COMMD1: variants seen among roughly 807,000 people sequenced by gnomAD.
COMMD1 encodes the protein copper metabolism domain containing 1, also known as COMM domain-containing protein 1.
Under a neutral mutation model 17.2 loss-of-function variants are expected in COMMD1, and 10 were observed. That is an observed-to-expected ratio of 0.58 (90% confidence interval 0.36 to 0.99). The LOEUF (loss-of-function observed/expected upper bound fraction) is 0.99. Ranked by LOEUF, COMMD1 falls within the 50% of genes least tolerant of loss-of-function variation. COMMD1 has a pLI of 0.01. For missense variants in COMMD1, 270 were observed against 231.8 expected (o/e 1.17, Z -1.07); for synonymous variants, 97 against 91.6 (o/e 1.06, Z -0.34).
At chr2:62,111,265 C>G (rs144074615) in intron 2 of COMMD1, among the ~76,000 whole-genome samples, 2 of 152,290 alleles carry the variant, frequency 1.3e-5, no homozygotes, top group East Asian at 3.9e-4. Flanking sequence ...TCACATCTGA[C>G]ACGCCAACAA....
At chr2:61,930,241 T>C (rs867605015) in intron 1 of COMMD1, among the ~76,000 whole-genome samples, 1 of 152,116 alleles carries the variant, frequency 6.6e-6, no homozygotes, top group East Asian at 1.9e-4. Context: ...CAGAACTGAT[T>C]AGTCTCTAAG....
intron 2 of COMMD1, among the ~76,000 whole-genome samples, chr2:62,114,783 A>G (rs1672543380): frequency 6.6e-6 from 1 of 152,158 alleles, no homozygotes; most frequent in East Asian, 1.9e-4. Context: ...TGCCTCTGGT[A>G]TTCTTCCACT....
chr2:62,081,689 C>T (rs1365746839), intron 2 of COMMD1, among the ~76,000 whole-genome samples: 1 of 152,064 alleles, frequency 6.6e-6, no homozygotes. Flanking sequence ...CATCCTGTAC[C>T]TCCTTTTTCT....
At chr2:62,134,120 A>G (rs897313080) in intron 2 of COMMD1, among the ~76,000 whole-genome samples, 1 of 152,044 alleles carries the variant, frequency 6.6e-6, no homozygotes, top group Admixed American at 6.6e-5. Context: ...CTCATTTTTT[A>G]GAAGTTTCTG....
At chr2:61,966,666 G>A (rs1671513131) in intron 1 of COMMD1, among the ~76,000 whole-genome samples, 1 of 151,572 alleles carries the variant, frequency 6.6e-6, no homozygotes, top group African/African-American at 2.4e-5. Context: ...TAATTACACA[G>A]ACTTGTGAGA....
At chr2:61,923,904 G>A (rs1416831572) in intron 1 of COMMD1, among the ~76,000 whole-genome samples, 2 of 152,118 alleles carry the variant, frequency 1.3e-5, no homozygotes, top group East Asian at 1.9e-4. Context: ...AGCCTCCTGA[G>A]TAGTTGAGAA....
intron 2 of COMMD1, among the ~76,000 whole-genome samples, chr2:62,092,486 T>C (rs867297234): frequency 4.7e-4 from 72 of 152,234 alleles, no homozygotes; most frequent in African/African-American, 1.7e-3. Flanking sequence ...CAAGTGCTTG[T>C]TTTAGGAGTG....
At chr2:61,948,360 A>C (rs967384303) in intron 1 of COMMD1, among the ~76,000 whole-genome samples, 14 of 152,196 alleles carry the variant, frequency 9.2e-5, no homozygotes, top group African/African-American at 3.4e-4. Flanking sequence ...AAAAATATTT[A>C]AGTTAGTTTT....
At chr2:61,920,408 CA>C (rs1307078814) in intron 1 of COMMD1, among the ~76,000 whole-genome samples, 2 of 151,658 alleles carry the variant, frequency 1.3e-5, no homozygotes, top group African/African-American at 4.8e-5. Context: ...AAAGAAAGAA[CA>C]TACTTTTTTT....
At chr2:62,027,841 T>C (rs192726666) in intron 2 of COMMD1, among the ~76,000 whole-genome samples, 59 of 152,236 alleles carry the variant, frequency 3.9e-4, no homozygotes, top group African/African-American at 1.4e-3. Flanking sequence ...TTTGTTATTT[T>C]TTTGAAGAGA....
At chr2:61,931,110 G>A (rs919148262) in intron 1 of COMMD1, among the ~76,000 whole-genome samples, 7 of 151,856 alleles carry the variant, frequency 4.6e-5, no homozygotes, top group African/African-American at 1.2e-4. Context: ...TTAGGAGTTC[G>A]AGACCAGCCT....
chr2:62,075,656 C>T (rs1671317786), intron 2 of COMMD1, among the ~76,000 whole-genome samples: 1 of 152,144 alleles, frequency 6.6e-6, no homozygotes, highest in African/African-American at 2.4e-5. Flanking sequence ...AACTAGAACT[C>T]AAATCCCATT....
In COMMD1 at chr2:62,011,442, G is replaced by A. The variant is rs185992633; in HGVS notation, c.462+10460G>A. Among the ~76,000 whole-genome samples the A allele has an allele frequency of 2.1e-3, 316 of 152,164 alleles. 2 individuals carry two copies. Among genetic ancestry groups the A allele is most frequent in the African/African-American group, 6.8e-3 (284 of 41,524 alleles). On this transcript the variant is annotated intron_variant, in intron 2 of 2. Transcript: ENST00000311832. ...TCTTCTTGTTACTTATTACTACCTA[G>A]CATGCTATTTTACTTATTAATCTTG...
At position 61,896,820 on chromosome 2, in the gene COMMD1, T is replaced by C. The variant is rs1034989452; in HGVS notation, n.119+7978T>C. Reference sequence around the variant, plus strand: ...ATGAAAGGTGTTCTTTTTCCTTTTCTTTTTTTTTTTTTTTTGTTTTTTTTA... The same window carrying C: ...ATGAAAGGTGTTCTTTTTCCTTTTCCTTTTTTTTTTTTTTTGTTTTTTTTA... On this transcript the variant is annotated intron_variant and non_coding_transcript_variant, in intron 1 of 2. Coordinates refer to the COMMD1 transcript ENST00000472729. 6.9e-3 allele frequency among the ~76,000 whole-genome samples: 808 copies of C among 117,640 alleles called. 4 individuals carry two copies. Among genetic ancestry groups the C allele is most frequent in the African/African-American group, 0.027 (697 of 25,620 alleles). The allele number at this position is 117,640 out of a possible 152,430, so 77.2% of individuals were successfully genotyped here.
intron 2 of COMMD1, chr2:62,055,293 T>G (rs1470243078): frequency 5.1e-6 from 2 of 391,188 alleles, no homozygotes; most frequent in Non-Finnish European, 1.0e-5. Flanking sequence ...GCCCACAAGC[T>G]AACCCTAGCC....
intron 1 of COMMD1, among the ~76,000 whole-genome samples, chr2:61,920,779 G>T (rs929729903): frequency 4.6e-5 from 7 of 151,814 alleles, no homozygotes; most frequent in Admixed American, 3.3e-4. Context: ...ATAGCCACTT[G>T]ACAGTGGATC....
chr2:62,131,740 G>A (rs1673039455), intron 2 of COMMD1, among the ~76,000 whole-genome samples: 1 of 151,478 alleles, frequency 6.6e-6, no homozygotes, highest in African/African-American at 2.4e-5. Context: ...ATGGGGTTTC[G>A]CCATGTTGCC....
In COMMD1 at chr2:61,995,217, T is replaced by C. The variant is rs73932894; in HGVS notation, c.181-5484T>C. Reference sequence around the variant, plus strand: ...CTCCTGCCTCAGCCTCTGGAGTAGCTGGGACTGCAGGCGTGTGACACCACA... The same window carrying C: ...CTCCTGCCTCAGCCTCTGGAGTAGCCGGGACTGCAGGCGTGTGACACCACA... On this transcript the variant is annotated intron_variant, in intron 1 of 2. Transcript: ENST00000311832. Among the ~76,000 whole-genome samples the C allele has an allele frequency of 4.0e-3, 615 of 152,328 alleles. 2 individuals carry two copies. The highest frequency in any genetic ancestry group is 0.014 in the African/African-American group (588 of 41,564).
chr2:62,130,118 T>G (rs1672986869), intron 2 of COMMD1, among the ~76,000 whole-genome samples: 1 of 144,952 alleles, frequency 6.9e-6, no homozygotes. Context: ...GAGCTTGCAA[T>G]GAGCCGAGAT....
Sources: allele counts gnomAD v4.1 joint callset (sites outside exome capture counted in the v4.1 genomes callset), GRCh38; gene constraint gnomAD v4.1.1; transcripts MANE v1.5; gene names NCBI Gene and HGNC (gene_info 2026-07-23, HGNC 2026-07-21).